SUSD6: variants seen among roughly 807,000 people sequenced by gnomAD.
SUSD6 encodes the protein sushi domain-containing protein 6.
In SUSD6, 16 loss-of-function variants were observed where a neutral mutation model predicts 28.4. That is an observed-to-expected ratio of 0.56 (90% CI 0.38 to 0.86). The LOEUF (loss-of-function observed/expected upper bound fraction) is 0.86. Among genes scored for constraint, SUSD6 ranks in the 40% least tolerant of loss-of-function variants. The pLI is 0.00. For synonymous variants in SUSD6, 147 were observed against 159.6 expected (o/e 0.92, Z 0.59); for missense variants, 341 against 384.2 (o/e 0.89, Z 0.94).
At chr14:69,650,540 C>A (rs1263635398) in intron 1 of SUSD6, among the ~76,000 whole-genome samples, 3 of 152,194 alleles carry the variant, frequency 2.0e-5, no homozygotes, top group Admixed American at 2.0e-4. Flanking sequence ...CCAAGGTTGG[C>A]CCCTCAGTCA....
chr14:69,658,531 G>A lies in SUSD6; in HGVS notation c.-62G>A, dbSNP rs1483921604. On this transcript the variant is annotated 5_prime_UTR_variant, in exon 2 of 6. Transcript: ENST00000342745. Reference sequence around the variant, plus strand: ...GTTACAGGTGAATCAGCTCCCGGCCGACTTTAGGATTCTTCTGGATTTTAA... The same window carrying A: ...GTTACAGGTGAATCAGCTCCCGGCCAACTTTAGGATTCTTCTGGATTTTAA... 19 of 1,581,010 alleles carry A rather than the reference G, an allele frequency of 1.2e-5. No homozygotes were observed. Among genetic ancestry groups the A allele is most frequent in the East Asian group, 2.3e-5 (1 of 44,208 alleles).
At chr14:69,633,037 A>G (rs1039256543) in intron 1 of SUSD6, among the ~76,000 whole-genome samples, 11 of 152,174 alleles carry the variant, frequency 7.2e-5, no homozygotes. Context: ...AAAAAGCCCT[A>G]TGTGTATGAG....
intron 2 of SUSD6, among the ~76,000 whole-genome samples, chr14:69,674,089 CTT>C (rs911572393): frequency 8.5e-5 from 13 of 152,182 alleles, no homozygotes; most frequent in African/African-American, 2.9e-4. Context: ...GAGAGAATAA[CTT>C]TTCTTTTTGG....
intron 1 of SUSD6, among the ~76,000 whole-genome samples, chr14:69,642,082 C>A (rs1885361099): frequency 6.6e-6 from 1 of 152,186 alleles, no homozygotes; most frequent in African/African-American, 2.4e-5. Flanking sequence ...CTCATATCTT[C>A]CTGGGCTTTA....
At chr14:69,689,526 C>T (rs1454567319) in intron 2 of SUSD6, among the ~76,000 whole-genome samples, 1 of 152,338 alleles carries the variant, frequency 6.6e-6, no homozygotes, top group African/African-American at 2.4e-5. Flanking sequence ...CTCAAGGGCA[C>T]ACCATGTGTA....
intron 1 of SUSD6, among the ~76,000 whole-genome samples, chr14:69,653,293 C>T (rs1885530121): frequency 6.6e-6 from 1 of 152,162 alleles, no homozygotes; most frequent in African/African-American, 2.4e-5. Context: ...GGCAGCAGCA[C>T]TAGTTCCCAA....
chr14:69,710,809 G>C lies in SUSD6; in HGVS notation c.887-145G>C, dbSNP rs370220526. The stretch of plus-strand genomic sequence containing the variant: ...ATAAAAAAGGAGGTAGGGAGTTTTT[G>C]CCTACCTAGAAGTGTATGAGTGGGA... On this transcript the variant is annotated intron_variant, in intron 5 of 5. Transcript: ENST00000342745. The C allele has an allele frequency of 4.0e-5, 28 of 691,442 alleles. No individual in the cohort carries two copies. The African/African-American group carries it at 4.7e-4, about 12-fold the overall frequency. The allele number at this position is 691,442 out of a possible 1,614,324, so 42.8% of individuals were successfully genotyped here. A position where few individuals can be genotyped will look rare whatever the true frequency, so the allele number is the denominator to read the frequency against.
At chr14:69,644,477 C>T (rs559589907) in intron 1 of SUSD6, among the ~76,000 whole-genome samples, 1 of 152,192 alleles carries the variant, frequency 6.6e-6, no homozygotes, top group East Asian at 1.9e-4. Context: ...TGGTGAAACC[C>T]TGTCTCTTCT....
chr14:69,647,108 A>G (rs1473387633), intron 1 of SUSD6, among the ~76,000 whole-genome samples: 1 of 152,206 alleles, frequency 6.6e-6, no homozygotes, highest in Non-Finnish European at 1.5e-5. Context: ...GGATGGATGG[A>G]TGAAAATGTT....
chr14:69,692,383 A>G (rs558678381), intron 2 of SUSD6, among the ~76,000 whole-genome samples: 1 of 152,204 alleles, frequency 6.6e-6, no homozygotes, highest in African/African-American at 2.4e-5. Context: ...AAAATCAAGA[A>G]GCTTCCTTGT....
intron 1 of SUSD6, among the ~76,000 whole-genome samples, chr14:69,643,454 A>G (rs17107161): frequency 0.088 from 13,466 of 152,286 alleles, 783 homozygotes; most frequent in East Asian, 0.12. Flanking sequence ...AACTTTACCC[A>G]TATTCTAATG....
At chr14:69,633,174 T>A (rs74060238) in intron 1 of SUSD6, among the ~76,000 whole-genome samples, 2,765 of 152,354 alleles carry the variant, frequency 0.018, 79 homozygotes, top group African/African-American at 0.063. Flanking sequence ...CAAGAATATT[T>A]GTTGACTTCC....
intron 2 of SUSD6, among the ~76,000 whole-genome samples, chr14:69,677,479 G>A (rs377410489): frequency 3.3e-5 from 5 of 152,034 alleles, no homozygotes; most frequent in South Asian, 4.1e-4. Flanking sequence ...CCTGGGAGGC[G>A]GAGCTTCCAG....
chr14:69,653,823 A>G (rs1490964878), intron 1 of SUSD6, among the ~76,000 whole-genome samples: 1 of 127,686 alleles, frequency 7.8e-6, no homozygotes, highest in Non-Finnish European at 1.6e-5. Context: ...TAAATTCTAT[A>G]TTCAAGGCAG....
chr14:69,631,637 A>G (rs762049), intron 1 of SUSD6, among the ~76,000 whole-genome samples: 11,561 of 152,194 alleles, frequency 0.076, 1,092 homozygotes, highest in African/African-American at 0.22. Flanking sequence ...TAATAATAAT[A>G]ATTCTGTGAT....
chr14:69,699,467 G>A lies in SUSD6; in HGVS notation c.122-3928G>A, dbSNP rs115369772. Among the ~76,000 whole-genome samples the A allele has an allele frequency of 7.4e-3, 1,130 of 151,880 alleles. 15 individuals are homozygous for A. Among genetic ancestry groups the A allele is most frequent in the African/African-American group, 0.026 (1,060 of 41,366 alleles). On this transcript the variant is annotated intron_variant, in intron 2 of 5. Coordinates refer to ENST00000342745, the MANE Select transcript of SUSD6 (RefSeq NM_014734.4). ...GATCCGCCCACCTTGACCTCCCAAA[G>A]CGCTGGGATTGTAGGCGTGAGCCAC...
intron 2 of SUSD6, among the ~76,000 whole-genome samples, chr14:69,685,033 C>T (rs1886052007): frequency 6.6e-6 from 1 of 152,208 alleles, no homozygotes; most frequent in Non-Finnish European, 1.5e-5. Flanking sequence ...TTCAGTGGCT[C>T]TGCCCACGTT....
chr14:69,664,082 C>T (rs1207077973), intron 2 of SUSD6, among the ~76,000 whole-genome samples: 1 of 151,942 alleles, frequency 6.6e-6, no homozygotes, highest in East Asian at 1.9e-4. Context: ...AGGTTCACGC[C>T]ATTCTTCTGC....
intron 2 of SUSD6, among the ~76,000 whole-genome samples, chr14:69,690,171 G>T (rs1014370651): frequency 6.6e-6 from 1 of 152,170 alleles, no homozygotes; most frequent in Admixed American, 6.5e-5. Flanking sequence ...AGAGACTAGG[G>T]TCCAAAGAGC....
Sources: gnomAD v4.1 joint callset for allele counts (sites outside exome capture counted in the v4.1 genomes callset) on GRCh38, gnomAD v4.1.1 for gene constraint, MANE v1.5 for transcripts, NCBI Gene and HGNC (gene_info 2026-07-23, HGNC 2026-07-21) for gene names.